Variants in FILIP1L observed in about 807,000 individuals in gnomAD.
The protein encoded by FILIP1L is filamin A-interacting protein 1-like.
In FILIP1L, 55 loss-of-function variants were observed where a neutral mutation model predicts 96.6. The observed-to-expected ratio is 0.57, with a 90% CI of 0.46 to 0.71. The LOEUF (loss-of-function observed/expected upper bound fraction) is 0.71, where lower values mean the gene tolerates loss of function less well. Among genes scored for constraint, FILIP1L ranks in the 30% least tolerant of loss-of-function variants. The probability of loss-of-function intolerance (pLI) is 0.00; values close to 1 mark genes in which losing one functional copy is unlikely to be tolerated. For synonymous variants in FILIP1L, 467 were observed against 473.9 expected, an observed-to-expected ratio of 0.99 and a Z score of 0.19; for missense variants, 1,304 against 1,321.2, an observed-to-expected ratio of 0.99 and a Z score of 0.20.
intron 1 of FILIP1L, among the ~76,000 whole-genome samples, chr3:100,044,213 C>G (rs141520703): frequency 1.5e-4 from 23 of 152,296 alleles, no homozygotes; most frequent in Non-Finnish European, 2.4e-4. Context: ...GATTGAGCGT[C>G]TTCTATGTGC....
At chr3:99,918,795 A>G (rs1707034601) in intron 4 of FILIP1L, among the ~76,000 whole-genome samples, 1 of 152,236 alleles carries the variant, frequency 6.6e-6, no homozygotes, top group South Asian at 2.1e-4. Flanking sequence ...TCTGTATAGA[A>G]TTACAATAAC....
At chr3:100,093,829 T>C (rs2066156366) in intron 1 of FILIP1L, among the ~76,000 whole-genome samples, 1 of 152,232 alleles carries the variant, frequency 6.6e-6, no homozygotes, top group African/African-American at 2.4e-5. Context: ...GACATTTTTT[T>C]CACTTATCAC....
Position 99,856,098 on chromosome 3 carries a change from G to GCTGCTCTGCTCTGCT in FILIP1L, c.606-5043_606-5029dup, listed in dbSNP as rs71130096. ...TGAACCTGTTGCTGCTGCTGCTCTTGCTGCTCTGCTCTGCTCTGCTCTGCT... is the reference window on the plus strand; with the variant it reads ...TGAACCTGTTGCTGCTGCTGCTCTTGCTGCTCTGCTCTGCTCTGCTCTGCTCTGCTCTGCTCTGCT... On this transcript the variant is annotated intron_variant, in intron 4 of 5. Transcript: ENST00000477258. Among the ~76,000 whole-genome samples, 186 of 151,352 alleles carry GCTGCTCTGCTCTGCT rather than the reference G, an allele frequency of 1.2e-3. 1 individual carries two copies. Among genetic ancestry groups the GCTGCTCTGCTCTGCT allele is most frequent in the South Asian group, 5.9e-3 (28 of 4,772 alleles).
intron 1 of FILIP1L, among the ~76,000 whole-genome samples, chr3:99,982,779 C>G (rs1709165912): frequency 6.6e-6 from 1 of 152,090 alleles, no homozygotes; most frequent in Admixed American, 6.5e-5. Context: ...CCTCATTTTT[C>G]AAAAATGTGC....
chr3:100,014,900 T>TC (rs1256560258), intron 1 of FILIP1L, among the ~76,000 whole-genome samples: 12 of 141,540 alleles, frequency 8.5e-5, no homozygotes, highest in Non-Finnish European at 1.5e-4. Flanking sequence ...TCTTTCTTTT[T>TC]TTTTTTTTTT....
At chr3:100,026,756 C>T (rs563851183) in intron 1 of FILIP1L, among the ~76,000 whole-genome samples, 39 of 152,250 alleles carry the variant, frequency 2.6e-4, no homozygotes, top group Non-Finnish European at 4.9e-4. Flanking sequence ...AAACCACCAC[C>T]GTCTCTCTCC....
intron 5 of FILIP1L, among the ~76,000 whole-genome samples, chr3:99,843,381 T>C (rs1943217707): frequency 6.6e-6 from 1 of 152,142 alleles, no homozygotes; most frequent in Non-Finnish European, 1.5e-5. Context: ...AGCTTTCCTT[T>C]TAAATAAAAA....
At position 99,875,869 on chromosome 3, in the gene FILIP1L, T is replaced by C. The variant is rs1705486286; in HGVS notation, c.606-24799A>G. Among the ~76,000 whole-genome samples the C allele has an allele frequency of 2.0e-5, 3 of 152,212 alleles. No homozygotes were observed. The South Asian group carries it at 6.2e-4, about 32-fold the overall frequency. ...ATTTAAAATTAAATCTCTAATCTGT[T>C]TTCTCCTCCAGAGAAAACTTCTACT... On this transcript the variant is annotated intron_variant, in intron 4 of 5. Transcript: ENST00000477258.
intron 1 of FILIP1L, among the ~76,000 whole-genome samples, chr3:100,097,625 CTG>C (rs1242757943): frequency 6.6e-6 from 1 of 152,166 alleles, no homozygotes. Context: ...AGATTGCACT[CTG>C]TTTTTAAAGC....
At chr3:99,883,633 C>T (rs1427158022) in intron 4 of FILIP1L, among the ~76,000 whole-genome samples, 1 of 152,028 alleles carries the variant, frequency 6.6e-6, no homozygotes, top group African/African-American at 2.4e-5. Context: ...AACTGCACAC[C>T]CAAATGTTGT....
chr3:100,081,019 T>C (rs2065923573), intron 1 of FILIP1L, among the ~76,000 whole-genome samples: 1 of 152,226 alleles, frequency 6.6e-6, no homozygotes, highest in African/African-American at 2.4e-5. Context: ...GAACTATCTG[T>C]TGAGCATCTT....
chr3:99,907,645 T>C (rs1706662877), intron 4 of FILIP1L, among the ~76,000 whole-genome samples: 1 of 152,186 alleles, frequency 6.6e-6, no homozygotes, highest in Non-Finnish European at 1.5e-5. Flanking sequence ...AGCCAAACCA[T>C]ATTCCTTGCT....
intron 1 of FILIP1L, among the ~76,000 whole-genome samples, chr3:100,110,918 A>G (rs1272934105): frequency 1.3e-5 from 2 of 152,182 alleles, no homozygotes; most frequent in Non-Finnish European, 2.9e-5. Flanking sequence ...GTAAAATTCC[A>G]TTTGTATTTT....
intron 4 of FILIP1L, among the ~76,000 whole-genome samples, chr3:99,907,043 A>G (rs776545758): frequency 6.6e-6 from 1 of 152,212 alleles, no homozygotes; most frequent in African/African-American, 2.4e-5. Flanking sequence ...TAATTAGAGT[A>G]TATTTAAACC....
In FILIP1L at chr3:99,850,143, T is replaced by C. The variant is rs750219567; in HGVS notation, c.1533A>G (p.Leu511=). Residue 511 remains leucine (L), a synonymous_variant, in exon 5 of 6, where the codon TTA becomes TTG. Coordinates refer to ENST00000477258, the MANE Select transcript of FILIP1L (RefSeq NM_001387850.1). ...CTTGTAATTTATCTTCAGTTTTCTT[T>C]AATTTTTCACTCATTGTTTTCCGTT... ...VDERKTMSEK[L]KKTEDKLQAA... 1 of 1,611,512 alleles carries C rather than the reference T, an allele frequency of 6.2e-7. No individual in the cohort carries two copies. The highest frequency in any genetic ancestry group is 1.3e-5 in the African/African-American group (1 of 74,724).
intron 4 of FILIP1L, among the ~76,000 whole-genome samples, chr3:99,915,603 A>T (rs1489026822): frequency 1.3e-5 from 2 of 152,182 alleles, no homozygotes; most frequent in African/African-American, 4.8e-5. Flanking sequence ...GTGATTTACC[A>T]AAAAGAAGAA....
At chr3:99,858,937 C>G (rs1256112244) in intron 4 of FILIP1L, among the ~76,000 whole-genome samples, 2 of 152,240 alleles carry the variant, frequency 1.3e-5, no homozygotes, top group Non-Finnish European at 2.9e-5. Flanking sequence ...TCCCCCAATT[C>G]ACTGGCTTAG....
intron 1 of FILIP1L, among the ~76,000 whole-genome samples, chr3:100,050,441 A>T (rs2065350396): frequency 6.6e-6 from 1 of 152,226 alleles, no homozygotes. Flanking sequence ...TAGAATGCTT[A>T]TCTGATTATG....
chr3:99,844,069 A>G (rs1014956900), intron 5 of FILIP1L, among the ~76,000 whole-genome samples: 2 of 150,276 alleles, frequency 1.3e-5, no homozygotes, highest in African/African-American at 4.9e-5. Flanking sequence ...GCTGTACAGT[A>G]TCGGTTGTTT....
Sources: allele counts gnomAD v4.1 joint callset (sites outside exome capture counted in the v4.1 genomes callset), GRCh38; gene constraint gnomAD v4.1.1; transcripts MANE v1.5; gene names NCBI Gene and HGNC (gene_info 2026-07-23, HGNC 2026-07-21).